The following LAMC3 variants were observed in gnomAD, a reference collection of about 807,000 sequenced individuals.
LAMC3 encodes the protein laminin subunit gamma 3.
A neutral mutation model predicts 173.8 loss-of-function variants in LAMC3; 128 were observed. The observed-to-expected ratio is 0.74, with a 90% CI of 0.64 to 0.85. The LOEUF is 0.85. Ranked by LOEUF, LAMC3 falls within the 40% of genes least tolerant of loss-of-function variation. LAMC3 has a pLI of 0.00. For synonymous variants in LAMC3, 897 were observed against 909.1 expected (o/e 0.99, Z 0.24); for missense variants, 2,022 against 2,156.0 (o/e 0.94, Z 1.23).
intron 27 of LAMC3, among the ~76,000 whole-genome samples, chr9:131,091,156 C>T (rs940242797): frequency 2.6e-5 from 4 of 152,256 alleles, no homozygotes; most frequent in Non-Finnish European, 5.9e-5. Context: ...CGTGTGCTGT[C>T]AGTGAATTGA....
At chr9:131,057,237 A>G in intron 12 of LAMC3, 90 bp downstream of exon 12, 2 of 1,149,264 alleles carry the variant, frequency 1.7e-6, no homozygotes, top group Non-Finnish European at 2.6e-6. Context: ...AGCCTGGCAC[A>G]GGCATTGAGG....
At chr9:131,062,370 A>G (rs545166593) in intron 13 of LAMC3, among the ~76,000 whole-genome samples, 5 of 152,210 alleles carry the variant, frequency 3.3e-5, no homozygotes, top group Admixed American at 3.3e-4. Flanking sequence ...TCAAAAAATA[A>G]AATAAAGTAT....
chr9:131,052,897 A>G lies in LAMC3; in HGVS notation c.1871A>G (p.His624Arg), dbSNP rs764778047. ...EDVAPPLPPF[H>R]FQRLLANLTS... is the part of the protein sequence containing the mutation. Reference sequence around the variant, plus strand: ...GTGGCCCCTCCACTGCCCCCCTTCCACTTCCAGCGGCTCCTCGCCAACCTG... The same window carrying G: ...GTGGCCCCTCCACTGCCCCCCTTCCGCTTCCAGCGGCTCCTCGCCAACCTG... Residue 624 changes from histidine (H) to arginine (R), a missense_variant, in exon 11 of 28, where the codon CAC (histidine) becomes CGC (arginine). Coordinates refer to ENST00000361069, the MANE Select transcript of LAMC3 (RefSeq NM_006059.4). 6.2e-7 allele frequency: 1 copy of G among 1,605,902 alleles called. No individual in the cohort carries two copies. The highest frequency in any genetic ancestry group is 8.5e-7 in the Non-Finnish European group (1 of 1,178,148).
At chr9:131,011,329 G>C (rs1286502010) in intron 1 of LAMC3, among the ~76,000 whole-genome samples, 1 of 152,240 alleles carries the variant, frequency 6.6e-6, no homozygotes, top group Non-Finnish European at 1.5e-5. Flanking sequence ...GCTCAGAGAG[G>C]TTGTTTTGCC....
rs80250211 is a variant in LAMC3 at position 131,016,877 on chromosome 9, C to T, written c.373+7290C>T. On this transcript the variant is annotated intron_variant, in intron 1 of 27. Coordinates refer to ENST00000361069, the MANE Select transcript of LAMC3 (RefSeq NM_006059.4). ...CATTTTCCGTGTTTCTACATTTTCC[C>T]AGTATTCTCTCATGAAGCTTGTTCT... Among the ~76,000 whole-genome samples, 9 of 152,312 alleles carry T rather than the reference C, an allele frequency of 5.9e-5. No individual in the cohort carries two copies. The East Asian group carries it at 1.5e-3, about 26-fold the overall frequency.
Position 131,032,187 on chromosome 9 carries a change from G to T in LAMC3, c.809+12G>T. 2 of 1,550,480 alleles carry T rather than the reference G, an allele frequency of 1.3e-6. No individual in the cohort carries two copies. The highest frequency in any genetic ancestry group is 1.8e-6 in the Non-Finnish European group (2 of 1,138,214). ...TCTGTGGGCGGCAGGTAGGAGGGAG[G>T]AGGGAGGCAGGGTGGCAGGGCTCCA... On this transcript the variant is annotated intron_variant, in intron 3 of 27. Transcript: ENST00000361069.
intron 14 of LAMC3, among the ~76,000 whole-genome samples, chr9:131,067,795 G>T (rs1325196390): frequency 6.6e-6 from 1 of 151,894 alleles, no homozygotes; most frequent in Non-Finnish European, 1.5e-5. Flanking sequence ...TGTGACCCTC[G>T]CCCAAGTCTC....
At chr9:131,049,266 C>T in intron 9 of LAMC3, 136 bp downstream of exon 9, 1 of 700,500 alleles carries the variant, frequency 1.4e-6, no homozygotes, top group Non-Finnish European at 2.6e-6. Flanking sequence ...AAATAGGTCT[C>T]TCGGAGCTAA....
chr9:131,022,846 G>A (rs1833651978), intron 1 of LAMC3, among the ~76,000 whole-genome samples: 1 of 152,046 alleles, frequency 6.6e-6, no homozygotes, highest in South Asian at 2.1e-4. Flanking sequence ...CCAAAGTGCT[G>A]GGATGACAGG....
intron 21 of LAMC3, 139 bp downstream of exon 21, chr9:131,076,104 C>A (rs1830121705): frequency 1.1e-6 from 1 of 907,782 alleles, no homozygotes; most frequent in Non-Finnish European, 1.6e-6. Flanking sequence ...GGGTCTGCAT[C>A]CTCCTCGGAG....
intron 7 of LAMC3, among the ~76,000 whole-genome samples, chr9:131,043,466 A>G (rs1047944913): frequency 2.0e-5 from 3 of 149,118 alleles, no homozygotes; most frequent in African/African-American, 7.8e-5. Flanking sequence ...AGAGACAGAC[A>G]CAAACAAAAC....
At chr9:131,054,591 T>G (rs995564487) in intron 11 of LAMC3, among the ~76,000 whole-genome samples, 5 of 151,930 alleles carry the variant, frequency 3.3e-5, no homozygotes, top group African/African-American at 1.2e-4. Context: ...CCATCTCTAC[T>G]AAAAATACAA....
rs12005643 is a variant in LAMC3 at position 131,054,579 on chromosome 9, C to T, written c.1939+1614C>T. ...GACCAGCCTGGGCAATATGGTGAAA[C>T]CCCATCTCTACTAAAAATACAAAAA... On this transcript the variant is annotated intron_variant, in intron 11 of 27. Coordinates refer to ENST00000361069, the MANE Select transcript of LAMC3 (RefSeq NM_006059.4). Among the ~76,000 whole-genome samples, 1,091 of 152,174 alleles carry T rather than the reference C, an allele frequency of 7.2e-3. 9 individuals carry two copies. Among genetic ancestry groups the T allele is most frequent in the African/African-American group, 0.025 (1,027 of 41,536 alleles).
At position 131,038,919 on chromosome 9, in the gene LAMC3, C is replaced by T; in HGVS notation, c.1032C>T (p.Arg344=). 1 of 1,613,422 alleles carries T rather than the reference C, an allele frequency of 6.2e-7. No individual in the cohort carries two copies. Among genetic ancestry groups the T allele is most frequent in the Non-Finnish European group, 8.5e-7 (1 of 1,180,024 alleles). The part of the protein sequence containing the change: ...EECTFDRELF[R]STGHGGRCHH... Reference sequence around the variant, plus strand: ...GCACGTTTGATCGGGAGCTCTTCCGCAGCACAGGCCACGGCGGGCGCTGTC... The same window carrying T: ...GCACGTTTGATCGGGAGCTCTTCCGTAGCACAGGCCACGGCGGGCGCTGTC... Residue 344 remains arginine (R), a synonymous_variant, in exon 5 of 28, where the codon CGC becomes CGT. Transcript: ENST00000361069.
In LAMC3 at chr9:131,068,179, A is replaced by C. The variant is rs1829974930; in HGVS notation, c.2695A>C (p.Ser899Arg). The stretch of plus-strand genomic sequence containing the variant: ...GCCTCATGTGACTGCACGGGACTGC[A>C]GCCGCTGCTACCCTGGCTTCTTCGA... ...CLPHVTARDC[S>R]RCYPGFFDLQ... Residue 899 changes from serine to arginine, a missense_variant, in exon 15 of 28, where the codon AGC becomes CGC. Transcript: ENST00000361069. 1.2e-6 allele frequency: 2 copies of C among 1,613,216 alleles called. No individual in the cohort carries two copies. Among genetic ancestry groups the C allele is most frequent in the Non-Finnish European group, 1.7e-6 (2 of 1,179,916 alleles).
At chr9:131,086,634 T>G (rs112371893) in intron 25 of LAMC3, among the ~76,000 whole-genome samples, 2 of 136,458 alleles carry the variant, frequency 1.5e-5, no homozygotes, top group Non-Finnish European at 3.1e-5. Flanking sequence ...ACTCCTGTAA[T>G]CCCAGCACTT....
chr9:131,043,660 CATGAAGAG>C (rs1834096595), intron 7 of LAMC3, among the ~76,000 whole-genome samples: 1 of 152,152 alleles, frequency 6.6e-6, no homozygotes, highest in Non-Finnish European at 1.5e-5. Flanking sequence ...AATAGATGGG[CATGAAGAG>C]ACAAACCTTC....
rs932375440 is a variant in LAMC3, at chr9:131,011,146, G to A, written c.373+1559G>A. Among the ~76,000 whole-genome samples, 54 of 152,194 alleles carry A rather than the reference G, an allele frequency of 3.5e-4. 1 individual carries two copies. Among genetic ancestry groups the A allele is most frequent in the African/African-American group, 1.3e-3 (53 of 41,448 alleles). Reference sequence around the variant, plus strand: ...GCTTTGCTACTGAAATCTCATTTGAGTACAGCCGGCAGCCCCAGACCCCAC... The same window carrying A: ...GCTTTGCTACTGAAATCTCATTTGAATACAGCCGGCAGCCCCAGACCCCAC... On this transcript the variant is annotated intron_variant, in intron 1 of 27. Transcript: ENST00000361069.
chr9:131,047,727 G>A (rs111897095), intron 8 of LAMC3, among the ~76,000 whole-genome samples: 28 of 151,378 alleles, frequency 1.8e-4, no homozygotes, highest in African/African-American at 6.5e-4. Flanking sequence ...GCCAGGCGTG[G>A]TGGCCAGCTC....
Sources: gnomAD v4.1 joint callset for allele counts (sites outside exome capture counted in the v4.1 genomes callset) on GRCh38, gnomAD v4.1.1 for gene constraint, MANE v1.5 for transcripts, NCBI Gene and HGNC (gene_info 2026-07-23, HGNC 2026-07-21) for gene names.